Variants in NR6A1 observed in about 807,000 individuals in gnomAD.
NR6A1 encodes retinoic acid receptor-related testis-associated receptor.
In NR6A1, 7 loss-of-function variants were observed where a neutral mutation model predicts 59.1. The observed-to-expected ratio is 0.12, with a 90% CI of 0.07 to 0.22. The LOEUF (loss-of-function observed/expected upper bound fraction) is 0.22, where lower values mean the gene tolerates loss of function less well. NR6A1 is among the 10% of genes least tolerant of loss of function. NR6A1 has a pLI of 1.00. For missense variants in NR6A1, 468 were observed against 611.6 expected, an observed-to-expected ratio of 0.77 and a Z score of 2.48; for synonymous variants, 243 against 236.1, an observed-to-expected ratio of 1.03 and a Z score of -0.27.
At position 124,554,532 on chromosome 9, in the gene NR6A1, G is replaced by C; in HGVS notation, c.181C>G (p.Leu61Val). 1 of 1,614,196 alleles carries C rather than the reference G, an allele frequency of 6.2e-7. No homozygotes were observed. The highest frequency in any genetic ancestry group is 2.2e-5 in the East Asian group (1 of 44,888). ...SDDRAEQRTCLICGDRATGLH... is the reference protein window; with the variant it reads ...SDDRAEQRTCVICGDRATGLH... ...CCTGTAGCGCGGTCCCCACAAATGA[G>C]ACAGGTTCGTTGTTCAGCCCGATCA... is the stretch of plus-strand genomic sequence containing the variant. The change falls in exon 3 of 10, where the codon CTC becomes GTC. Residue 61 changes from leucine to valine, a missense_variant. Coordinates refer to ENST00000487099, the MANE Select transcript of NR6A1 (RefSeq NM_033334.4).
intron 2 of NR6A1, among the ~76,000 whole-genome samples, chr9:124,568,852 G>A (rs1265879308): frequency 6.6e-6 from 1 of 151,778 alleles, no homozygotes; most frequent in Non-Finnish European, 1.5e-5. Context: ...AGTGGCTCAC[G>A]CCTGTAATCC....
At chr9:124,691,296 A>C (rs1478444557) in intron 2 of NR6A1, among the ~76,000 whole-genome samples, 3 of 152,254 alleles carry the variant, frequency 2.0e-5, no homozygotes, top group African/African-American at 7.2e-5. Context: ...ATTCAAACCT[A>C]AATCTCAGTG....
chr9:124,525,883 C>T (rs1284374366), intron 8 of NR6A1, among the ~76,000 whole-genome samples: 1 of 152,204 alleles, frequency 6.6e-6, no homozygotes, highest in Non-Finnish European at 1.5e-5. Context: ...ATGTATACTT[C>T]TTGAGACCAG....
chr9:124,718,655 C>T (rs1468035184), intron 2 of NR6A1, among the ~76,000 whole-genome samples: 2 of 152,058 alleles, frequency 1.3e-5, no homozygotes, highest in Admixed American at 6.6e-5. Flanking sequence ...GAAAGATACC[C>T]TGTAATCTCA....
chr9:124,762,465 TTTG>T (rs1452014056), intron 1 of NR6A1, among the ~76,000 whole-genome samples: 2 of 152,186 alleles, frequency 1.3e-5, no homozygotes, highest in Non-Finnish European at 2.9e-5. Flanking sequence ...ATTGTGATTT[TTTG>T]TTGTTGTTGA....
At chr9:124,602,204 A>T (rs1033234498) in intron 2 of NR6A1, among the ~76,000 whole-genome samples, 1 of 152,202 alleles carries the variant, frequency 6.6e-6, no homozygotes, top group Non-Finnish European at 1.5e-5. Flanking sequence ...CCCAATCAAG[A>T]ACAGATTATA....
intron 2 of NR6A1, among the ~76,000 whole-genome samples, chr9:124,581,806 C>T (rs12336055): frequency 0.037 from 5,676 of 151,882 alleles, 336 homozygotes; most frequent in African/African-American, 0.13. Context: ...ATTTATGAGC[C>T]GACAAACATG....
At chr9:124,655,328 A>G (rs886259403) in intron 2 of NR6A1, among the ~76,000 whole-genome samples, 1 of 152,228 alleles carries the variant, frequency 6.6e-6, no homozygotes, top group Admixed American at 6.5e-5. Flanking sequence ...TATACATTTT[A>G]CATCTCTGAG....
chr9:124,709,135 T>C (rs1462720557), intron 2 of NR6A1, among the ~76,000 whole-genome samples: 1 of 152,228 alleles, frequency 6.6e-6, no homozygotes, highest in East Asian at 1.9e-4. Flanking sequence ...TCTATGCCCC[T>C]GAGTTTTCCC....
chr9:124,765,043 A>C (rs991664899), intron 1 of NR6A1, among the ~76,000 whole-genome samples: 5 of 152,226 alleles, frequency 3.3e-5, no homozygotes, highest in African/African-American at 1.2e-4. Flanking sequence ...GTGTAAACAA[A>C]TTGAAGGGTG....
intron 2 of NR6A1, among the ~76,000 whole-genome samples, chr9:124,671,609 G>T (rs1564229222): frequency 6.6e-6 from 1 of 152,064 alleles, no homozygotes; most frequent in African/African-American, 2.4e-5. Flanking sequence ...TGGCCTAAAA[G>T]TATTATTAAT....
At chr9:124,762,854 T>C (rs142012120) in intron 1 of NR6A1, among the ~76,000 whole-genome samples, 110 of 152,324 alleles carry the variant, frequency 7.2e-4, no homozygotes, top group East Asian at 4.6e-3. Flanking sequence ...ACATTAATCA[T>C]TGGGAAGCTG....
chr9:124,742,652 G>A (rs1474864445), intron 1 of NR6A1, among the ~76,000 whole-genome samples: 3 of 152,060 alleles, frequency 2.0e-5, no homozygotes, highest in African/African-American at 2.4e-5. Context: ...TGAGGTGGGC[G>A]GATCACGAGG....
At chr9:124,574,566 C>T (rs1264867802) in intron 2 of NR6A1, among the ~76,000 whole-genome samples, 2 of 152,240 alleles carry the variant, frequency 1.3e-5, no homozygotes, top group Admixed American at 1.3e-4. Flanking sequence ...TTAATATAAT[C>T]TGTGAACACT....
At chr9:124,529,176 T>C (rs941640375) in intron 7 of NR6A1, among the ~76,000 whole-genome samples, 6 of 152,238 alleles carry the variant, frequency 3.9e-5, no homozygotes, top group African/African-American at 1.4e-4. Context: ...TACATTCATA[T>C]TGAATAACCA....
chr9:124,601,774 GA>G (rs1218851537), intron 2 of NR6A1, among the ~76,000 whole-genome samples: 1 of 151,696 alleles, frequency 6.6e-6, no homozygotes, highest in African/African-American at 2.4e-5. Flanking sequence ...GCCAGCTTTG[GA>G]AACATAGGGA....
Position 124,771,256 on chromosome 9 carries a change from G to T in NR6A1, c.-137C>A. On this transcript the variant is annotated 5_prime_UTR_variant, in exon 1 of 10. Coordinates refer to ENST00000487099, the MANE Select transcript of NR6A1 (RefSeq NM_033334.4). Reference sequence around the variant, plus strand: ...CCGGCCGCGGCTCTCTCTGGGCCCCGAGCCGCCCGGCTCCGCGCCGCTCCG... The same window carrying T: ...CCGGCCGCGGCTCTCTCTGGGCCCCTAGCCGCCCGGCTCCGCGCCGCTCCG... The T allele has an allele frequency of 2.3e-6, 1 of 437,370 alleles. No homozygotes were observed. Among genetic ancestry groups the T allele is most frequent in the Non-Finnish European group, 3.8e-6 (1 of 262,958 alleles). 27.1% of individuals were successfully genotyped at this position (437,370 alleles called of 1,614,324 possible). A position where few individuals can be genotyped will look rare whatever the true frequency, so the allele number is the denominator to read the frequency against.
chr9:124,760,494 T>A (rs1023573582), intron 1 of NR6A1, among the ~76,000 whole-genome samples: 6 of 152,276 alleles, frequency 3.9e-5, no homozygotes, highest in African/African-American at 1.4e-4. Context: ...AGGCAGATAC[T>A]ATGCTTGGCA....
intron 1 of NR6A1, among the ~76,000 whole-genome samples, chr9:124,739,817 T>C (rs1468386120): frequency 1.3e-5 from 2 of 152,234 alleles, no homozygotes; most frequent in African/African-American, 4.8e-5. Flanking sequence ...ACTAGCTAAT[T>C]ATACTCTATA....
Sources: allele counts gnomAD v4.1 joint callset (sites outside exome capture counted in the v4.1 genomes callset), GRCh38; gene constraint gnomAD v4.1.1; transcripts MANE v1.5; gene names NCBI Gene and HGNC (gene_info 2026-07-23, HGNC 2026-07-21).